ASTN2: variants seen among roughly 807,000 people sequenced by gnomAD.
The protein encoded by ASTN2 is astrotactin-2.
ASTN2 carries 54 observed loss-of-function variants against 139.8 expected under a neutral mutation model. The observed-to-expected ratio is 0.39, with a 90% confidence interval of 0.31 to 0.48. The LOEUF is 0.48. Ranked by LOEUF, ASTN2 falls within the 20% of genes least tolerant of loss-of-function variation. The pLI is 0.95. For missense variants in ASTN2, 1,565 were observed against 1,725.1 expected, an observed-to-expected ratio of 0.91 and a Z score of 1.64; for synonymous variants, 756 against 719.5, an observed-to-expected ratio of 1.05 and a Z score of -0.81.
At chr9:117,046,409 A>G (rs564572159) in intron 5 of ASTN2, among the ~76,000 whole-genome samples, 2 of 152,140 alleles carry the variant, frequency 1.3e-5, no homozygotes, top group Non-Finnish European at 2.9e-5. Context: ...TTCCTAATCT[A>G]AAAAAGGGTA....
At chr9:116,911,048 CCTT>C (rs764210397) in intron 10 of ASTN2, among the ~76,000 whole-genome samples, 9 of 152,144 alleles carry the variant, frequency 5.9e-5, no homozygotes, top group Admixed American at 1.3e-4. Context: ...TCCTACTAGT[CCTT>C]CTTCTTCTTT....
chr9:117,406,857 A>AACACACACACAC (rs59125408), intron 1 of ASTN2, among the ~76,000 whole-genome samples: 5 of 144,240 alleles, frequency 3.5e-5, no homozygotes, highest in African/African-American at 5.1e-5. Flanking sequence ...ATTGTCCCCT[A>AACACACACACAC]ACACACACAC....
rs188083737 is a variant in ASTN2, at chr9:117,276,287, C to A, written c.630+15039G>T. Among the ~76,000 whole-genome samples, 19 of 152,308 alleles carry A rather than the reference C, an allele frequency of 1.2e-4. No homozygotes were observed. In the East Asian group the frequency reaches 3.3e-3, roughly 26 times the overall value. ...AGAAGGCAAGTAGCTAGCCCAAGAT[C>A]ACACGGTTATCAAAAGGCTGAGAGA... On this transcript the variant is annotated intron_variant, in intron 2 of 22. Transcript: ENST00000313400.
At position 116,781,384 on chromosome 9, in the gene ASTN2, C is replaced by A. The variant is rs1179524806; in HGVS notation, c.2396+24248G>T. 2.0e-5 allele frequency among the ~76,000 whole-genome samples: 3 copies of A among 151,992 alleles called. No homozygotes were observed. In the East Asian group the frequency reaches 5.8e-4, roughly 29 times the overall value. ...TTCAAGCGCTAGTGGTGGACAGGAC[C>A]AAAGTTGAGGACACAAGTAGGCATA... On this transcript the variant is annotated intron_variant, in intron 13 of 22. Transcript: ENST00000313400.
chr9:117,163,003 C>T (rs930024577), intron 3 of ASTN2, among the ~76,000 whole-genome samples: 2 of 152,030 alleles, frequency 1.3e-5, no homozygotes, highest in African/African-American at 4.8e-5. Context: ...TAATGTCTAC[C>T]GGGATCACTG....
chr9:117,292,938 G>C (rs1200425166), intron 1 of ASTN2, among the ~76,000 whole-genome samples: 1 of 151,908 alleles, frequency 6.6e-6, no homozygotes, highest in Non-Finnish European at 1.5e-5. Context: ...CCCTCCTTGA[G>C]GTTCACAATC....
chr9:116,976,678 A>T, intron 8 of ASTN2, 23 bp downstream of exon 8: 1 of 1,612,522 alleles, frequency 6.2e-7, no homozygotes, highest in South Asian at 1.1e-5. Flanking sequence ...ACTGTCCTGG[A>T]CCTGATGCCC....
chr9:116,957,320 G>C (rs571920052), intron 10 of ASTN2, among the ~76,000 whole-genome samples: 1 of 152,216 alleles, frequency 6.6e-6, no homozygotes, highest in South Asian at 2.1e-4. Flanking sequence ...GGTAAAGAAA[G>C]ACAATGCTTT....
chr9:117,038,979 C>G (rs1012393616), intron 6 of ASTN2, among the ~76,000 whole-genome samples: 11 of 152,118 alleles, frequency 7.2e-5, no homozygotes, highest in African/African-American at 1.9e-4. Context: ...TGAATATTAT[C>G]CAAGACATTC....
chr9:116,929,098 C>T (rs1834832666), intron 10 of ASTN2, among the ~76,000 whole-genome samples: 1 of 152,128 alleles, frequency 6.6e-6, no homozygotes, highest in African/African-American at 2.4e-5. Context: ...GGCAGAATGT[C>T]AGTGTTGGAA....
intron 10 of ASTN2, among the ~76,000 whole-genome samples, chr9:116,920,767 C>T (rs1041601969): frequency 5.3e-5 from 8 of 152,256 alleles, no homozygotes; most frequent in Non-Finnish European, 8.8e-5. Flanking sequence ...GAGGTCACTA[C>T]GATTACTAAC....
At chr9:117,074,276 C>T (rs75660251) in intron 5 of ASTN2, among the ~76,000 whole-genome samples, 10,834 of 152,074 alleles carry the variant, frequency 0.071, 521 homozygotes, top group East Asian at 0.19. Context: ...GGAATAGAGA[C>T]GTGCAAGACT....
chr9:117,194,120 A>G (rs1831426260), intron 3 of ASTN2, among the ~76,000 whole-genome samples: 1 of 152,190 alleles, frequency 6.6e-6, no homozygotes, highest in South Asian at 2.1e-4. Context: ...GGGTTGGGTA[A>G]AAGACACAAG....
intron 1 of ASTN2, among the ~76,000 whole-genome samples, chr9:117,363,377 G>T (rs1829746750): frequency 1.3e-5 from 2 of 152,124 alleles, no homozygotes; most frequent in Admixed American, 1.3e-4. Context: ...CCTGCAAATT[G>T]GCATCATTAG....
chr9:117,397,939 T>C (rs191980514), intron 1 of ASTN2, among the ~76,000 whole-genome samples: 3 of 152,342 alleles, frequency 2.0e-5, no homozygotes, highest in Admixed American at 1.3e-4. Context: ...AGTCCCTTTC[T>C]AGCTTCTCCT....
At chr9:117,057,890 T>C (rs187095036) in intron 5 of ASTN2, among the ~76,000 whole-genome samples, 136 of 152,290 alleles carry the variant, frequency 8.9e-4, no homozygotes, top group African/African-American at 3.1e-3. Flanking sequence ...AAAGATAAAA[T>C]AGGCATAACT....
chr9:117,085,483 C>G (rs1321659072), intron 5 of ASTN2, among the ~76,000 whole-genome samples: 2 of 152,186 alleles, frequency 1.3e-5, no homozygotes, highest in Admixed American at 6.5e-5. Context: ...AATAGGCTCT[C>G]GATAAACTGG....
intron 13 of ASTN2, among the ~76,000 whole-genome samples, chr9:116,745,383 C>T (rs537744323): frequency 7.9e-5 from 12 of 152,300 alleles, no homozygotes; most frequent in Middle Eastern, 3.4e-3. Context: ...GCCTCCTCTG[C>T]GCTCTCTCGT....
chr9:117,085,716 A>G (rs564584250), intron 5 of ASTN2, among the ~76,000 whole-genome samples: 61 of 152,186 alleles, frequency 4.0e-4, no homozygotes, highest in African/African-American at 1.5e-3. Flanking sequence ...CCAACATCTC[A>G]GGGGTTACAG....
Sources: allele counts gnomAD v4.1 joint callset (sites outside exome capture counted in the v4.1 genomes callset), GRCh38; gene constraint gnomAD v4.1.1; transcripts MANE v1.5; gene names NCBI Gene and HGNC (gene_info 2026-07-23, HGNC 2026-07-21).